VWA3B: variants seen among roughly 807,000 people sequenced by gnomAD.
VWA3B encodes von Willebrand factor A domain containing 3B, also known as von Willebrand factor A domain-containing protein 3B.
A neutral mutation model predicts 158.3 loss-of-function variants in VWA3B; 138 were observed. That is an observed-to-expected ratio of 0.87 (90% CI 0.76 to 1.00). The LOEUF (loss-of-function observed/expected upper bound fraction) is 1.00, where lower values mean the gene tolerates loss of function less well. Among genes scored for constraint, VWA3B ranks in the 50% least tolerant of loss-of-function variants. The pLI is 0.00. For synonymous variants in VWA3B, 596 were observed against 587.3 expected (o/e 1.01, Z -0.21); for missense variants, 1,555 against 1,565.1 (o/e 0.99, Z 0.11).
intron 7 of VWA3B, among the ~76,000 whole-genome samples, chr2:98,146,366 G>A (rs1677174787): frequency 6.6e-6 from 1 of 152,202 alleles, no homozygotes; most frequent in East Asian, 1.9e-4. Flanking sequence ...AGGAAAGGTA[G>A]GGAAGGGGCT....
At chr2:98,281,054 G>A (rs780819782) in intron 22 of VWA3B, among the ~76,000 whole-genome samples, 3 of 152,164 alleles carry the variant, frequency 2.0e-5, no homozygotes, top group Non-Finnish European at 4.4e-5. Context: ...CTCGCTCCCC[G>A]CCCCGGAGAT....
At chr2:98,256,667 T>C (rs1687169778) in intron 21 of VWA3B, among the ~76,000 whole-genome samples, 1 of 152,200 alleles carries the variant, frequency 6.6e-6, no homozygotes, top group African/African-American at 2.4e-5. Context: ...AGAAGTTTCT[T>C]TGTGGACATA....
At chr2:98,325,402 C>T in the VWA3B span, among the ~76,000 whole-genome samples, 6 of 152,148 alleles carry the variant, frequency 3.9e-5, no homozygotes, top group Non-Finnish European at 7.4e-5. Flanking sequence ...GAAAAGAAAA[C>T]CTCTCAACCC....
chr2:98,264,229 C>CTATTGTTTTTCTATATTG (rs1687656174), intron 21 of VWA3B, among the ~76,000 whole-genome samples: 1 of 150,752 alleles, frequency 6.6e-6, no homozygotes, highest in Non-Finnish European at 1.5e-5. Flanking sequence ...TTTCTATACT[C>CTATTGTTTTTCTATATTG]TATTTCTAAT....
intron 7 of VWA3B, among the ~76,000 whole-genome samples, chr2:98,161,519 A>G (rs973248863): frequency 3.3e-5 from 5 of 152,188 alleles, no homozygotes; most frequent in African/African-American, 9.7e-5. Flanking sequence ...GTGGCTGAAG[A>G]CAGAAGGATG....
chr2:98,181,466 A>C (rs1680574996), intron 9 of VWA3B, among the ~76,000 whole-genome samples: 1 of 152,236 alleles, frequency 6.6e-6, no homozygotes, highest in Non-Finnish European at 1.5e-5. Context: ...GGTTTGGAGA[A>C]ATCAGGCATT....
At chr2:98,271,502 A>G (rs1007889514) in intron 22 of VWA3B, among the ~76,000 whole-genome samples, 3 of 152,164 alleles carry the variant, frequency 2.0e-5, no homozygotes, top group African/African-American at 7.2e-5. Context: ...CAGAGTGTCC[A>G]TAATTATTGT....
intron 8 of VWA3B, among the ~76,000 whole-genome samples, chr2:98,173,118 A>G (rs1042972327): frequency 2.6e-5 from 4 of 152,196 alleles, no homozygotes; most frequent in Non-Finnish European, 5.9e-5. Context: ...GCTAATTTAC[A>G]GAGTACTTGT....
rs553507217 is a variant in VWA3B, at chr2:98,093,463, C to T, written c.196+175C>T. Among the ~76,000 whole-genome samples, 81 of 152,242 alleles carry T rather than the reference C, an allele frequency of 5.3e-4. No individual in the cohort carries two copies. In the South Asian group the frequency reaches 7.7e-3, roughly 14 times the overall value. Reference sequence around the variant, plus strand: ...CCCCAATATATGTGTATTAAGTAGACGTACAATTGTCAATCCATGTATTAA... The same window carrying T: ...CCCCAATATATGTGTATTAAGTAGATGTACAATTGTCAATCCATGTATTAA... On this transcript the variant is annotated intron_variant, in intron 2 of 27. Transcript: ENST00000477737.
chr2:98,148,846 T>C (rs1466757988), intron 7 of VWA3B, among the ~76,000 whole-genome samples: 1 of 152,226 alleles, frequency 6.6e-6, no homozygotes, highest in African/African-American at 2.4e-5. Flanking sequence ...AGTCTGAGGT[T>C]GGTCATGACC....
chr2:98,098,895 C>T (rs1481836273), intron 2 of VWA3B, among the ~76,000 whole-genome samples: 3 of 151,682 alleles, frequency 2.0e-5, no homozygotes, highest in Admixed American at 2.0e-4. Flanking sequence ...TTGTGATTAC[C>T]GCAAGGCTTA....
the VWA3B span, among the ~76,000 whole-genome samples, chr2:98,323,325 A>G: frequency 6.6e-6 from 1 of 152,186 alleles, no homozygotes; most frequent in Non-Finnish European, 1.5e-5. Flanking sequence ...AAAATGGAAA[A>G]GGCAGAAGAA....
chr2:98,146,204 A>G (rs977633783), intron 7 of VWA3B, among the ~76,000 whole-genome samples: 4 of 152,174 alleles, frequency 2.6e-5, no homozygotes, highest in Non-Finnish European at 5.9e-5. Flanking sequence ...CCTTGGTAAC[A>G]TTTTTAGTGA....
At chr2:98,243,608 A>G (rs922567877) in intron 19 of VWA3B, among the ~76,000 whole-genome samples, 1 of 152,156 alleles carries the variant, frequency 6.6e-6, no homozygotes. Context: ...TGCTGGGATT[A>G]CAGGCAAGAG....
At chr2:98,217,424 A>G (rs781361203) in intron 13 of VWA3B, among the ~76,000 whole-genome samples, 1 of 152,068 alleles carries the variant, frequency 6.6e-6, no homozygotes, top group Non-Finnish European at 1.5e-5. Context: ...TGCCCAGCAC[A>G]TGGGAAGACC....
intron 13 of VWA3B, among the ~76,000 whole-genome samples, chr2:98,214,885 T>C (rs537499004): frequency 4.0e-4 from 61 of 152,280 alleles, no homozygotes; most frequent in South Asian, 6.2e-4. Context: ...TTCTGAGAAG[T>C]GGACTCAGCT....
intron 8 of VWA3B, among the ~76,000 whole-genome samples, chr2:98,179,523 T>C (rs1369436722): frequency 6.6e-6 from 1 of 152,112 alleles, no homozygotes; most frequent in Non-Finnish European, 1.5e-5. Context: ...CTCACCAAGG[T>C]AACAAAGGGG....
chr2:98,099,543 A>T (rs1682942853), intron 2 of VWA3B, among the ~76,000 whole-genome samples: 1 of 152,116 alleles, frequency 6.6e-6, no homozygotes, highest in African/African-American at 2.4e-5. Flanking sequence ...TTGATTATAA[A>T]ATCTTTTGGG....
chr2:98,229,734 C>T (rs986992364), intron 15 of VWA3B, among the ~76,000 whole-genome samples: 1 of 152,104 alleles, frequency 6.6e-6, no homozygotes, highest in Admixed American at 6.5e-5. Flanking sequence ...GTGCAGGTGA[C>T]GTTTCCTGCA....
Sources: gnomAD v4.1 joint callset for allele counts (sites outside exome capture counted in the v4.1 genomes callset) on GRCh38, gnomAD v4.1.1 for gene constraint, MANE v1.5 for transcripts, NCBI Gene and HGNC (gene_info 2026-07-23, HGNC 2026-07-21) for gene names.